LOXHD1: variants seen among roughly 807,000 people sequenced by gnomAD.
LOXHD1 encodes the protein lipoxygenase homology PLAT domains 1, also known as lipoxygenase homology domain-containing protein 1.
Under a neutral mutation model 248.2 loss-of-function variants are expected in LOXHD1, and 205 were observed. That is an observed-to-expected ratio of 0.83 (90% CI 0.74 to 0.93). The LOEUF is 0.93. LOXHD1 is among the 40% of genes least tolerant of loss of function. The pLI, the probability that LOXHD1 is intolerant of heterozygous loss-of-function variation, is 0.00. For missense variants in LOXHD1, 2,930 were observed against 2,971.6 expected (o/e 0.99, Z 0.33); for synonymous variants, 1,113 against 1,162.8 (o/e 0.96, Z 0.87).
At chr18:46,639,852 C>A in intron 3 of LOXHD1, 52 bp from the exon 4 acceptor site, 4 of 1,541,744 alleles carry the variant, frequency 2.6e-6, no homozygotes, top group African/African-American at 2.7e-5. Flanking sequence ...GAAACAGCAC[C>A]CCTTCCATAC....
In LOXHD1 at chr18:46,477,656, A is replaced by G. The variant is rs2032125939; in HGVS notation, c.6638T>C (p.Leu2213Pro). The change falls in exon 41 of 41, where the codon CTG becomes CCG. Residue 2213 changes from leucine to proline, a missense_variant. Leu to Pro is a moderately conservative substitution (Grantham distance 98). Coordinates refer to ENST00000642948, the MANE Select transcript of LOXHD1 (RefSeq NM_001384474.1). ...TDRFFLETLE[L>P]GELRKVRLEH... ...CAGGCGCACCTTGCGCAGCTCACCC[A>G]GCTCCAGCGTCTCCAGGAAGAAGCG... 1.3e-6 allele frequency: 2 copies of G among 1,551,742 alleles called. No individual in the cohort carries two copies. Among genetic ancestry groups the G allele is most frequent in the Non-Finnish European group, 1.7e-6 (2 of 1,147,042 alleles).
chr18:46,635,375 G>A (rs1484680217), intron 4 of LOXHD1, among the ~76,000 whole-genome samples: 1 of 152,170 alleles, frequency 6.6e-6, no homozygotes, highest in Non-Finnish European at 1.5e-5. Context: ...GACCTCTTAG[G>A]TGCCAGACTA....
rs187131753 is a variant in LOXHD1, at chr18:46,480,897, G to A, written c.6341+2690C>T. ...ATGGTTGTGTATTAGATATGCTACC[G>A]GGATAAACAATAAAGGTGTTTTCAG... On this transcript the variant is annotated intron_variant, in intron 40 of 40. Transcript: ENST00000642948. 1.8e-4 allele frequency among the ~76,000 whole-genome samples: 28 copies of A among 152,174 alleles called. No individual in the cohort carries two copies. In the East Asian group the frequency reaches 2.7e-3, roughly 15 times the overall value.
Position 46,560,220 on chromosome 18 carries a change from TC to T in LOXHD1, c.2923del (p.Glu975LysfsTer12), listed in dbSNP as rs1293804911. On this transcript the variant is annotated frameshift_variant, in exon 19 of 41. Coordinates refer to ENST00000642948, the MANE Select transcript of LOXHD1 (RefSeq NM_001384474.1). LOFTEE classifies it high-confidence loss of function. ...CATCCCCGGCCCAAACTCCTCCTCT[TC>T]CTCCTCTTCTTCCATCTCCTCCTCC... The part of the protein sequence containing the change: ...SEEEEMEEEE[E>X]EEEFGPGMQE... The T allele has an allele frequency of 1.3e-6, 2 of 1,551,664 alleles. No homozygotes were observed. The highest frequency in any genetic ancestry group is 1.7e-6 in the Non-Finnish European group (2 of 1,147,040).
At chr18:46,545,461 T>C (rs1354360329) in intron 22 of LOXHD1, 40 bp from the exon 23 acceptor site, 6 of 1,460,474 alleles carry the variant, frequency 4.1e-6, no homozygotes, top group South Asian at 3.7e-5. Context: ...TTGTAGACTG[T>C]TCCTTTCATG....
intron 4 of LOXHD1, among the ~76,000 whole-genome samples, chr18:46,625,422 G>GACA (rs1324511547): frequency 2.9e-5 from 4 of 136,668 alleles, no homozygotes; most frequent in Non-Finnish European, 6.5e-5. Context: ...GGCTTCCCTG[G>GACA]GCCACACTGG....
intron 16 of LOXHD1, 111 bp from the exon 17 acceptor site, chr18:46,566,560 C>T: frequency 1.1e-6 from 1 of 924,668 alleles, no homozygotes; most frequent in Non-Finnish European, 1.7e-6. Context: ...GTCTCCAGTC[C>T]CCAGGAGAGG....
intron 25 of LOXHD1, among the ~76,000 whole-genome samples, chr18:46,538,950 A>G (rs538990424): frequency 6.6e-6 from 1 of 152,224 alleles, no homozygotes; most frequent in South Asian, 2.1e-4. Context: ...CATTACACAC[A>G]TCTTTTATAG....
At chr18:46,651,718 A>C (rs1210117594) in intron 1 of LOXHD1, among the ~76,000 whole-genome samples, 1 of 152,050 alleles carries the variant, frequency 6.6e-6, no homozygotes, top group Non-Finnish European at 1.5e-5. Context: ...GCCAGAGACT[A>C]GGGAAGGTAT....
intron 13 of LOXHD1, 32 bp downstream of exon 13, chr18:46,579,597 AG>A (rs1185520220): frequency 1.3e-6 from 2 of 1,551,360 alleles, no homozygotes; most frequent in South Asian, 1.2e-5. Context: ...ACTGGGAGGA[AG>A]GGGATGAGTG....
At chr18:46,623,826 C>T (rs1254256674) in intron 4 of LOXHD1, among the ~76,000 whole-genome samples, 1 of 152,224 alleles carries the variant, frequency 6.6e-6, no homozygotes, top group Non-Finnish European at 1.5e-5. Context: ...CTCCAGAGAG[C>T]CACCCCAGGC....
At chr18:46,605,654 A>G (rs1409734642) in intron 6 of LOXHD1, among the ~76,000 whole-genome samples, 2 of 152,234 alleles carry the variant, frequency 1.3e-5, no homozygotes, top group Non-Finnish European at 2.9e-5. Flanking sequence ...GAGCTATACC[A>G]GGACAGTACC....
At chr18:46,639,887 A>G in intron 3 of LOXHD1, 87 bp from the exon 4 acceptor site, 1 of 1,447,540 alleles carries the variant, frequency 6.9e-7, no homozygotes, top group Non-Finnish European at 9.5e-7. Context: ...GTTTACTCCA[A>G]AGAGAGGTCC....
At chr18:46,515,935 C>T (rs1045094512) in intron 34 of LOXHD1, among the ~76,000 whole-genome samples, 19 of 152,208 alleles carry the variant, frequency 1.2e-4, no homozygotes, top group Non-Finnish European at 2.6e-4. Context: ...AGATATGCTC[C>T]CCAATGCAAT....
At chr18:46,517,963 G>A (rs1261698135) in intron 34 of LOXHD1, among the ~76,000 whole-genome samples, 166 bp downstream of exon 34, 1 of 152,140 alleles carries the variant, frequency 6.6e-6, no homozygotes, top group East Asian at 1.9e-4. Context: ...ATTTGAGCTG[G>A]CCCTTGAAAG....
chr18:46,627,302 C>A (rs759195173), intron 4 of LOXHD1, among the ~76,000 whole-genome samples: 9 of 152,146 alleles, frequency 5.9e-5, no homozygotes, highest in Non-Finnish European at 1.0e-4. Context: ...CAGCAGAGAC[C>A]CAGCCCCAGG....
At chr18:46,528,399 C>T (rs888949975) in intron 29 of LOXHD1, among the ~76,000 whole-genome samples, 2 of 151,948 alleles carry the variant, frequency 1.3e-5, no homozygotes, top group Admixed American at 6.5e-5. Context: ...GCCAAGCTTG[C>T]GAGAAAGGAA....
rs1208206189 is a variant in LOXHD1 at position 46,509,830 on chromosome 18, G to A, written c.5400-15C>T. On this transcript the variant is annotated splice_polypyrimidine_tract_variant and intron_variant, in intron 34 of 40. Transcript: ENST00000642948. Reference sequence around the variant, plus strand: ...CCCGCTCAAACCTGGGGGTGGAGAGGAGGGGCATGAAGAAGGGAAGCTGGC... The same window carrying A: ...CCCGCTCAAACCTGGGGGTGGAGAGAAGGGGCATGAAGAAGGGAAGCTGGC... 5 of 1,496,856 alleles carry A rather than the reference G, an allele frequency of 3.3e-6. No homozygotes were observed. Among genetic ancestry groups the A allele is most frequent in the Non-Finnish European group, 4.5e-6 (5 of 1,104,528 alleles). The allele number at this position is 1,496,856 out of a possible 1,614,324, so 92.7% of individuals were successfully genotyped here.
At position 46,594,184 on chromosome 18, in the gene LOXHD1, G is replaced by A. The variant is rs1159105782; in HGVS notation, c.1270+147C>T. 4.3e-5 allele frequency: 44 copies of A among 1,013,718 alleles called. 1 individual carries two copies. Among genetic ancestry groups the A allele is most frequent in the South Asian group, 4.2e-4 (25 of 60,168 alleles). The allele number at this position is 1,013,718 out of a possible 1,614,324, so 62.8% of individuals were successfully genotyped here. ...TTTGGAGAGTGGAGCTGCTTGGCGGGGTTGGGGGAGCTTTTTCCTTCCTTT... is the reference window on the plus strand; with the variant it reads ...TTTGGAGAGTGGAGCTGCTTGGCGGAGTTGGGGGAGCTTTTTCCTTCCTTT... On this transcript the variant is annotated intron_variant, in intron 9 of 40. Coordinates refer to ENST00000642948, the MANE Select transcript of LOXHD1 (RefSeq NM_001384474.1).
Sources: allele counts gnomAD v4.1 joint callset (sites outside exome capture counted in the v4.1 genomes callset), GRCh38; gene constraint gnomAD v4.1.1; transcripts MANE v1.5; gene names NCBI Gene and HGNC (gene_info 2026-07-23, HGNC 2026-07-21).